Variants in CNIH3 observed in about 807,000 individuals in gnomAD.
CNIH3 encodes cornichon family AMPA receptor auxiliary protein 3.
In CNIH3, 14 loss-of-function variants were observed where a neutral mutation model predicts 24.1. The ratio of observed to expected loss-of-function variants is 0.58; its 90% CI spans 0.38 to 0.91. The LOEUF (loss-of-function observed/expected upper bound fraction) is 0.91. CNIH3 is among the 40% of genes least tolerant of loss of function. The pLI is 0.00. For synonymous variants in CNIH3, 68 were observed against 73.8 expected (o/e 0.92, Z 0.40); for missense variants, 178 against 196.8 (o/e 0.90, Z 0.57).
intron 3 of CNIH3, among the ~76,000 whole-genome samples, chr1:224,696,219 A>G (rs7513442): frequency 0.02 from 3,112 of 152,308 alleles, 75 homozygotes; most frequent in African/African-American, 0.055. Context: ...CCATGAGGAC[A>G]TCACATCATG....
intron 1 of CNIH3, among the ~76,000 whole-genome samples, chr1:224,461,517 T>G (rs1169795671): frequency 6.6e-6 from 1 of 152,224 alleles, no homozygotes; most frequent in Non-Finnish European, 1.5e-5. Context: ...CTAAAAGGAA[T>G]TTATTGAACC....
chr1:224,502,118 AC>A (rs1330705845), intron 1 of CNIH3, among the ~76,000 whole-genome samples: 1 of 152,032 alleles, frequency 6.6e-6, no homozygotes, highest in Non-Finnish European at 1.5e-5. Context: ...TGTGGGCAGA[AC>A]CCAGGAGTGC....
intron 4 of CNIH3, among the ~76,000 whole-genome samples, chr1:224,568,019 C>T (rs549058479): frequency 1.8e-4 from 27 of 152,210 alleles, no homozygotes; most frequent in African/African-American, 5.1e-4. Flanking sequence ...AGGCCAGGCA[C>T]GGTGGCTCAA....
chr1:224,633,882 C>T (rs533354671), intron 1 of CNIH3, among the ~76,000 whole-genome samples: 2 of 152,254 alleles, frequency 1.3e-5, no homozygotes, highest in Non-Finnish European at 2.9e-5. Context: ...CTTGTCACCT[C>T]GCCTGTATTC....
exon 3 of CNIH3, chr1:224,536,955 T>C (rs1461355369): frequency 6.6e-6 from 1 of 152,072 alleles, no homozygotes; most frequent in African/African-American, 2.4e-5. Flanking sequence ...GAGGAGCAAA[T>C]GAATCAACGC....
Position 224,637,316 on chromosome 1 carries a change from G to A in CNIH3, c.81+20061G>A, listed in dbSNP as rs928703924. Among the ~76,000 whole-genome samples, 8 of 152,102 alleles carry A rather than the reference G, an allele frequency of 5.3e-5. No homozygotes were observed. In the East Asian group the frequency reaches 1.4e-3, roughly 26 times the overall value. On this transcript the variant is annotated intron_variant, in intron 1 of 5. Coordinates refer to ENST00000272133, the MANE Select transcript of CNIH3 (RefSeq NM_152495.2). ...TGCGAGGTCCCCGCACACACATGCA[G>A]CCCTAATTCAGAGTTGTGAGACAGG...
Position 224,527,803 on chromosome 1 carries a change from C to T in CNIH3, n.343+6476C>T, listed in dbSNP as rs73131699. ...GATGCATCAAAACAATAGTATGTACCCAATAAATATATAATTATGTGTCAA... is the reference window on the plus strand; with the variant it reads ...GATGCATCAAAACAATAGTATGTACTCAATAAATATATAATTATGTGTCAA... On this transcript the variant is annotated intron_variant and non_coding_transcript_variant, in intron 2 of 2. Transcript: ENST00000470602. Among the ~76,000 whole-genome samples, 381 of 151,852 alleles carry T rather than the reference C, an allele frequency of 2.5e-3. 2 individuals are homozygous for T. Among genetic ancestry groups the T allele is most frequent in the African/African-American group, 8.3e-3 (342 of 41,384 alleles).
intron 1 of CNIH3, among the ~76,000 whole-genome samples, chr1:224,675,089 C>T (rs1686074012): frequency 6.6e-6 from 1 of 152,134 alleles, no homozygotes; most frequent in Non-Finnish European, 1.5e-5. Context: ...ACTTTTCTTA[C>T]ATTTTCTGTG....
chr1:224,523,603 T>C (rs1239195104), intron 2 of CNIH3, among the ~76,000 whole-genome samples: 1 of 152,178 alleles, frequency 6.6e-6, no homozygotes, highest in Non-Finnish European at 1.5e-5. Flanking sequence ...TTTTGTTCTA[T>C]TTCTCAACCT....
chr1:224,641,746 A>G (rs1023789999), intron 1 of CNIH3, among the ~76,000 whole-genome samples: 1 of 152,008 alleles, frequency 6.6e-6, no homozygotes, highest in Non-Finnish European at 1.5e-5. Context: ...TCTACCCACA[A>G]CACACTTCCT....
chr1:224,498,011 A>G (rs1019824151), intron 1 of CNIH3, among the ~76,000 whole-genome samples: 5 of 152,236 alleles, frequency 3.3e-5, no homozygotes, highest in African/African-American at 1.2e-4. Flanking sequence ...GGAAGACCAG[A>G]AAAGCTCAGA....
intron 1 of CNIH3, among the ~76,000 whole-genome samples, chr1:224,655,425 G>A (rs1685052274): frequency 6.6e-6 from 1 of 152,110 alleles, no homozygotes; most frequent in African/African-American, 2.4e-5. Flanking sequence ...AAGGGTAAAT[G>A]GAGGCTTTTG....
rs191465149 is a variant in CNIH3 at position 224,505,900 on chromosome 1, G to A, written n.204-9841G>A. Among the ~76,000 whole-genome samples the A allele has an allele frequency of 3.4e-4, 52 of 152,238 alleles. 1 individual carries two copies. The East Asian group carries it at 6.9e-3, about 20-fold the overall frequency. Reference sequence around the variant, plus strand: ...CTTTGAACAAGCCAAAGCTTTAACCGAAAATAGTACATTGATCCCTGTGAC... The same window carrying A: ...CTTTGAACAAGCCAAAGCTTTAACCAAAAATAGTACATTGATCCCTGTGAC... On this transcript the variant is annotated intron_variant and non_coding_transcript_variant, in intron 1 of 5. Coordinates refer to the CNIH3 transcript ENST00000471578.
At chr1:224,628,084 A>G (rs1450760122) in intron 1 of CNIH3, among the ~76,000 whole-genome samples, 2 of 151,766 alleles carry the variant, frequency 1.3e-5, no homozygotes, top group Non-Finnish European at 2.9e-5. Context: ...CTATTGTTTA[A>G]TAGTCTAGCC....
chr1:224,493,077 T>A (rs1040367317), intron 1 of CNIH3, among the ~76,000 whole-genome samples: 1 of 152,198 alleles, frequency 6.6e-6, no homozygotes, highest in African/African-American at 2.4e-5. Flanking sequence ...TCTTTAATCA[T>A]CCCTTGAAAT....
chr1:224,740,062 A>G lies in CNIH3; in HGVS notation c.*706A>G, dbSNP rs1689794633. 1 of 152,268 alleles carries G rather than the reference A, an allele frequency of 6.6e-6. No homozygotes were observed. The highest frequency in any genetic ancestry group is 2.4e-5 in the African/African-American group (1 of 41,444). 9.4% of individuals were successfully genotyped at this position (152,268 alleles called of 1,614,324 possible). On this transcript the variant is annotated 3_prime_UTR_variant, in exon 6 of 6. Coordinates refer to ENST00000272133, the MANE Select transcript of CNIH3 (RefSeq NM_152495.2). ...GTTGTATTCTTCTTTTGCCACCTCAAACCATCACAGAGTCTTTAAATGCAA... is the reference window on the plus strand; with the variant it reads ...GTTGTATTCTTCTTTTGCCACCTCAGACCATCACAGAGTCTTTAAATGCAA...
chr1:224,732,916 C>T (rs1689411999), intron 4 of CNIH3, among the ~76,000 whole-genome samples: 1 of 151,940 alleles, frequency 6.6e-6, no homozygotes, highest in Non-Finnish European at 1.5e-5. Flanking sequence ...TAGTCTAGTT[C>T]CTGGCAATTA....
At chr1:224,596,387 G>A (rs1681982094) in intron 3 of CNIH3, among the ~76,000 whole-genome samples, 1 of 152,148 alleles carries the variant, frequency 6.6e-6, no homozygotes, top group African/African-American at 2.4e-5. Flanking sequence ...GAGACCTATT[G>A]CTCAGGAAAA....
intron 3 of CNIH3, among the ~76,000 whole-genome samples, chr1:224,552,607 T>C (rs980082950): frequency 6.6e-6 from 1 of 151,872 alleles, no homozygotes; most frequent in Non-Finnish European, 1.5e-5. Context: ...TAATGAATAA[T>C]ATCACAGGGT....
Sources: gnomAD v4.1 joint callset for allele counts (sites outside exome capture counted in the v4.1 genomes callset) on GRCh38, gnomAD v4.1.1 for gene constraint, MANE v1.5 for transcripts, NCBI Gene and HGNC (gene_info 2026-07-23, HGNC 2026-07-21) for gene names.